Variants in IGF2BP1 observed in about 807,000 individuals in gnomAD.
IGF2BP1 encodes insulin like growth factor 2 mRNA binding protein 1.
IGF2BP1 carries 11 observed loss-of-function variants against 74.9 expected under a neutral mutation model. The ratio of observed to expected loss-of-function variants is 0.15; its 90% confidence interval spans 0.09 to 0.24. The LOEUF is 0.24. IGF2BP1 is among the 10% of genes least tolerant of loss of function. The pLI is 1.00. For missense variants in IGF2BP1, 440 were observed against 757.4 expected (o/e 0.58, Z 4.92); for synonymous variants, 287 against 281.8 (o/e 1.02, Z -0.18).
At chr17:49,003,975 A>G (rs1034299482) in intron 2 of IGF2BP1, among the ~76,000 whole-genome samples, 2 of 151,134 alleles carry the variant, frequency 1.3e-5, no homozygotes, top group African/African-American at 2.5e-5. Flanking sequence ...TTCAAAAAAG[A>G]GAGAGAGTAG....
At chr17:49,023,117 T>A (rs752795305) in intron 2 of IGF2BP1, among the ~76,000 whole-genome samples, 6 of 152,254 alleles carry the variant, frequency 3.9e-5, no homozygotes, top group Non-Finnish European at 7.3e-5. Context: ...GGTCATCGAA[T>A]GAGTTCTAGG....
chr17:49,038,533 G>T, intron 6 of IGF2BP1, 84 bp downstream of exon 6: 2 of 1,313,282 alleles, frequency 1.5e-6, no homozygotes, highest in South Asian at 3.7e-5. Flanking sequence ...AAGCATGCTG[G>T]AGACATCAAC....
intron 2 of IGF2BP1, among the ~76,000 whole-genome samples, chr17:49,021,582 C>T (rs2041792857): frequency 6.6e-6 from 1 of 152,184 alleles, no homozygotes; most frequent in Non-Finnish European, 1.5e-5. Context: ...CAGAGGACAC[C>T]AGAAGCCACA....
At chr17:49,044,827 G>T (rs73988946) in intron 11 of IGF2BP1, among the ~76,000 whole-genome samples, 164 bp from the exon 12 acceptor site, 189 of 152,346 alleles carry the variant, frequency 1.2e-3, no homozygotes, top group African/African-American at 4.4e-3. Context: ...TAATTCTGGT[G>T]TGAAGGCGTA....
In IGF2BP1 at chr17:49,055,858, T is replaced by TTA. The variant is rs1555603990; in HGVS notation, c.*6414_*6415insTA. ...ACAGTTTTTTTTTTTTTTTTTTTTTTAAATATGAGTGCTAGCTTATTCTGT... is the reference window on the plus strand; with the variant it reads ...ACAGTTTTTTTTTTTTTTTTTTTTTTTAAAATATGAGTGCTAGCTTATTCTGT... On this transcript the variant is annotated 3_prime_UTR_variant, in exon 15 of 15. Transcript: ENST00000290341. 2.3e-4 allele frequency among the ~76,000 whole-genome samples: 35 copies of TTA among 149,192 alleles called. No homozygotes were observed. Among genetic ancestry groups the TTA allele is most frequent in the African/African-American group, 8.1e-4 (33 of 40,610 alleles).
Position 48,997,449 on chromosome 17 carries a change from G to T in IGF2BP1, c.-297G>T. On this transcript the variant is annotated 5_prime_UTR_variant, in exon 1 of 15. Coordinates refer to ENST00000290341, the MANE Select transcript of IGF2BP1 (RefSeq NM_006546.4). The surrounding 1 kb of genome is among the most constrained non-coding windows in gnomAD (Gnocchi z 4.8). ...CGCCAGGGCGGCCGCGGAGAAACGT[G>T]ACACACCAGCCCTCTCGGAGGGGTT... 4.3e-6 allele frequency: 1 copy of T among 233,460 alleles called. No individual in the cohort carries two copies. Among genetic ancestry groups the T allele is most frequent in the Non-Finnish European group, 8.2e-6 (1 of 121,750 alleles). 14.5% of individuals were successfully genotyped at this position (233,460 alleles called of 1,614,324 possible).
intron 2 of IGF2BP1, among the ~76,000 whole-genome samples, chr17:48,999,982 C>T (rs946822234): frequency 4.3e-5 from 6 of 139,750 alleles, no homozygotes; most frequent in Admixed American, 7.4e-5. Flanking sequence ...GTTCCAATAC[C>T]CTCTATCCTC....
In IGF2BP1 at chr17:49,055,457, T is replaced by C. The variant is rs6504593; in HGVS notation, c.*6013T>C. 0.49 allele frequency: 173,926 copies of C among 356,402 alleles called. 45,038 individuals carry two copies. The highest frequency in any genetic ancestry group is 0.69 in the African/African-American group (32,307 of 47,086). The allele number at this position is 356,402 out of a possible 1,614,324, so 22.1% of individuals were successfully genotyped here. A position where few individuals can be genotyped will look rare whatever the true frequency, so the allele number is the denominator to read the frequency against. On this transcript the variant is annotated 3_prime_UTR_variant, in exon 15 of 15. Transcript: ENST00000290341. Reference sequence around the variant, plus strand: ...TGTCCCCCCTCCCCTGCCAATAAGCTCCCCCAGGAATAAAGGCTTTGTTTT... The same window carrying C: ...TGTCCCCCCTCCCCTGCCAATAAGCCCCCCCAGGAATAAAGGCTTTGTTTT...
intron 4 of IGF2BP1, 47 bp from the exon 5 acceptor site, chr17:49,031,863 G>T: frequency 6.5e-7 from 1 of 1,533,076 alleles, no homozygotes. Flanking sequence ...CATTGATTGG[G>T]CCTCCAGATT....
intron 3 of IGF2BP1, among the ~76,000 whole-genome samples, 191 bp downstream of exon 3, chr17:49,025,857 CT>C (rs797001122): frequency 0.038 from 3,583 of 94,552 alleles, 123 homozygotes; most frequent in African/African-American, 0.11. Context: ...TCTTTTCTTT[CT>C]TTTTTTTTTT....
chr17:48,998,051 T>G, intron 1 of IGF2BP1, 131 bp downstream of exon 1: 2 of 922,774 alleles, frequency 2.2e-6, no homozygotes, highest in Non-Finnish European at 3.2e-6. Context: ...GTACCCACCC[T>G]CGACCTACCC....
chr17:49,034,769 A>C (rs1455781208), intron 5 of IGF2BP1, among the ~76,000 whole-genome samples: 2 of 151,252 alleles, frequency 1.3e-5, no homozygotes, highest in Admixed American at 6.6e-5. Flanking sequence ...AAAAAACAAA[A>C]AAAACGAAAA....
At position 49,045,877 on chromosome 17, in the gene IGF2BP1, C is replaced by G; in HGVS notation, c.1396-13C>G. On this transcript the variant is annotated splice_polypyrimidine_tract_variant and intron_variant, in intron 12 of 14. Coordinates refer to ENST00000290341, the MANE Select transcript of IGF2BP1 (RefSeq NM_006546.4). ...ATATGAACCACTGATTAACAATTAC[C>G]TCCTCTTCTCAGGCTCAGGGAAGAA... 1 of 1,612,200 alleles carries G rather than the reference C, an allele frequency of 6.2e-7. No homozygotes were observed. The highest frequency in any genetic ancestry group is 8.5e-7 in the Non-Finnish European group (1 of 1,178,968).
At position 49,055,198 on chromosome 17, in the gene IGF2BP1, T is replaced by C. The variant is rs1324574883; in HGVS notation, c.*5754T>C. The stretch of plus-strand genomic sequence containing the variant: ...TTTTTAAAAGGGAGACATTTTCCAG[T>C]GACCACTGGATTGTTTTAATTTCCC... On this transcript the variant is annotated 3_prime_UTR_variant, in exon 15 of 15. Transcript: ENST00000290341. 1 of 154,090 alleles carries C rather than the reference T, an allele frequency of 6.5e-6. No homozygotes were observed. The highest frequency in any genetic ancestry group is 1.9e-4 in the East Asian group (1 of 5,350). 9.5% of individuals were successfully genotyped at this position (154,090 alleles called of 1,614,324 possible). A position where few individuals can be genotyped will look rare whatever the true frequency, so the allele number is the denominator to read the frequency against.
In IGF2BP1 at chr17:49,046,315, C is replaced by T; in HGVS notation, c.1583C>T (p.Thr528Ile). The change falls in exon 14 of 15, where the codon ACC becomes ATC. Residue 528 changes from threonine (T) to isoleucine (I), a missense_variant. Transcript: ENST00000290341. ...GAGGTGGTAGTACCAAGAGACCAGA[C>T]CCCTGATGAGAACGACCAGGTCATC... ...AAEVVVPRDQ[T>I]PDENDQVIVK... 1 of 1,614,132 alleles carries T rather than the reference C, an allele frequency of 6.2e-7. No individual in the cohort carries two copies. The highest frequency in any genetic ancestry group is 8.5e-7 in the Non-Finnish European group (1 of 1,180,026).
Position 48,999,089 on chromosome 17 carries a change from T to A in IGF2BP1, c.176-20T>A. The A allele has an allele frequency of 7.1e-7, 1 of 1,416,320 alleles. No individual in the cohort carries two copies. Among genetic ancestry groups the A allele is most frequent in the Non-Finnish European group, 9.9e-7 (1 of 1,011,234 alleles). The allele number at this position is 1,416,320 out of a possible 1,614,324, so 87.7% of individuals were successfully genotyped here. A position where few individuals can be genotyped will look rare whatever the true frequency, so the allele number is the denominator to read the frequency against. On this transcript the variant is annotated intron_variant, in intron 1 of 14. Coordinates refer to ENST00000290341, the MANE Select transcript of IGF2BP1 (RefSeq NM_006546.4). ...CCCCTGTTCAAGCTCTCATGGTAAT[T>A]TTTTTTTTTTAATCTTTAGGGAAAG... is the stretch of plus-strand genomic sequence containing the variant.
At chr17:48,999,191 G>A in intron 2 of IGF2BP1, 22 bp downstream of exon 2, 1 of 757,950 alleles carries the variant, frequency 1.3e-6, no homozygotes, top group Non-Finnish European at 2.2e-6. Context: ...CTCTTTTCGG[G>A]GGGGGTGGGG....
intron 4 of IGF2BP1, among the ~76,000 whole-genome samples, chr17:49,031,522 A>G (rs1257325914): frequency 6.8e-6 from 1 of 147,588 alleles, no homozygotes. Context: ...TTTGAGGTGG[A>G]ATCTCCCTCT....
intron 4 of IGF2BP1, among the ~76,000 whole-genome samples, chr17:49,031,376 T>A (rs1161773691): frequency 2.0e-5 from 3 of 152,172 alleles, no homozygotes; most frequent in African/African-American, 7.2e-5. Flanking sequence ...GTCCTGGGAT[T>A]ATAGGCGTGA....
Sources: gnomAD v4.1 joint callset for allele counts (sites outside exome capture counted in the v4.1 genomes callset) on GRCh38, gnomAD v4.1.1 for gene constraint, Gnocchi (gnomAD v3.1) non-coding constraint, MANE v1.5 for transcripts, NCBI Gene and HGNC (gene_info 2026-07-23, HGNC 2026-07-21) for gene names.